Variants in NDUFAF6 observed in about 807,000 individuals in gnomAD.
The protein encoded by NDUFAF6 is NADH:ubiquinone oxidoreductase complex assembly factor 6.
A neutral mutation model predicts 40.8 loss-of-function variants in NDUFAF6; 45 were observed. That is an observed-to-expected ratio of 1.10 (90% CI 0.87 to 1.42). The LOEUF (loss-of-function observed/expected upper bound fraction) is 1.42. Among genes scored for constraint, NDUFAF6 ranks in the 40% most tolerant of loss-of-function variants. NDUFAF6 has a pLI of 0.00. For synonymous variants in NDUFAF6, 185 were observed against 155.9 expected, an observed-to-expected ratio of 1.19 and a Z score of -1.39; for missense variants, 435 against 418.5, an observed-to-expected ratio of 1.04 and a Z score of -0.34.
chr8:95,099,417 G>C (rs1809583053), upstream of NDUFAF6, among the ~76,000 whole-genome samples: 1 of 151,510 alleles, frequency 6.6e-6, no homozygotes, highest in Admixed American at 6.6e-5. Flanking sequence ...ACCCACTTCT[G>C]TCATCTGGCC....
chr8:94,904,509 A>G (rs770106610), intron 1 of NDUFAF6, among the ~76,000 whole-genome samples: 7 of 150,880 alleles, frequency 4.6e-5, no homozygotes, highest in Admixed American at 2.0e-4. Context: ...GTTCTGTTCC[A>G]TTGTTTTTCT....
intron 6 of NDUFAF6, among the ~76,000 whole-genome samples, chr8:95,047,559 G>A (rs1247828763): frequency 2.7e-5 from 4 of 148,086 alleles, no homozygotes; most frequent in African/African-American, 5.0e-5. Flanking sequence ...ACCCAGGCTG[G>A]AGTGCAGTGG....
chr8:95,098,580 G>T (rs893337629), upstream of NDUFAF6, among the ~76,000 whole-genome samples: 3 of 152,340 alleles, frequency 2.0e-5, no homozygotes, highest in Non-Finnish European at 4.4e-5. Context: ...TGAGGAAGGA[G>T]AATTGCTTTA....
In NDUFAF6 at chr8:95,066,269, G is replaced by A. The variant is rs73278556; in HGVS notation, c.*512-9364G>A. ...TGGGTCTATAGGCATGTGCCATCAT[G>A]CCTGGCTTGCTTGCTTGCTTTTTTT... On this transcript the variant is annotated intron_variant and NMD_transcript_variant, in intron 9 of 9. Transcript: ENST00000520757. Among the ~76,000 whole-genome samples, 630 of 147,538 alleles carry A rather than the reference G, an allele frequency of 4.3e-3. 5 individuals are homozygous for A. The highest frequency in any genetic ancestry group is 0.015 in the African/African-American group (607 of 39,870).
intron 2 of NDUFAF6, among the ~76,000 whole-genome samples, chr8:95,016,469 G>C (rs1196583407): frequency 6.6e-6 from 1 of 152,232 alleles, no homozygotes; most frequent in East Asian, 1.9e-4. Context: ...ATCTGGCCGA[G>C]CGTGGTGGCT....
downstream of NDUFAF6, chr8:95,116,533 T>C (rs1302802951): frequency 1.3e-5 from 2 of 152,150 alleles, no homozygotes; most frequent in Admixed American, 1.3e-4. Flanking sequence ...TTCTTTTTTT[T>C]AGAGACGGGG....
downstream of NDUFAF6, among the ~76,000 whole-genome samples, chr8:95,117,795 C>T (rs1810165917): frequency 6.6e-6 from 1 of 152,064 alleles, no homozygotes; most frequent in Non-Finnish European, 1.5e-5. Flanking sequence ...TAGTGGAGGC[C>T]AGATATTAAG....
At chr8:94,949,167 G>T (rs1822321760) in intron 2 of NDUFAF6, 1 of 149,732 alleles carries the variant, frequency 6.7e-6, no homozygotes. Flanking sequence ...GGCCCGGGCC[G>T]TGCGGGGCTG....
chr8:94,924,826 T>A (rs1399617186), intron 1 of NDUFAF6, among the ~76,000 whole-genome samples: 2 of 152,180 alleles, frequency 1.3e-5, no homozygotes, highest in Non-Finnish European at 2.9e-5. Context: ...CACTGCAACC[T>A]CCACATCCTG....
downstream of NDUFAF6, among the ~76,000 whole-genome samples, chr8:95,106,873 A>G (rs144502573): frequency 0.017 from 2,630 of 152,280 alleles, 82 homozygotes; most frequent in African/African-American, 0.06. Context: ...GCCAACAAAC[A>G]TATGAAAAAA....
intron 1 of NDUFAF6, among the ~76,000 whole-genome samples, chr8:94,915,665 G>C (rs1819084113): frequency 6.6e-6 from 1 of 152,198 alleles, no homozygotes; most frequent in Non-Finnish European, 1.5e-5. Flanking sequence ...CACAGGGGCT[G>C]AACTAATTTA....
intron 2 of NDUFAF6, among the ~76,000 whole-genome samples, chr8:94,994,800 C>T (rs1826348198): frequency 6.6e-6 from 1 of 152,164 alleles, no homozygotes; most frequent in Non-Finnish European, 1.5e-5. Context: ...CCATTGCACT[C>T]TAGCCTGGGT....
rs146860289 is a variant in NDUFAF6, at chr8:94,907,949, A to G, written c.-936+12022A>G. ...CATTGCTGAATCTCCAGTACCTAAA[A>G]TAGTGGCTGGCCCCTATGTATTGGG... On this transcript the variant is annotated intron_variant, in intron 1 of 14. Coordinates refer to the NDUFAF6 transcript ENST00000396113. Among the ~76,000 whole-genome samples the G allele has an allele frequency of 3.4e-3, 521 of 152,344 alleles. 2 individuals carry two copies. Among genetic ancestry groups the G allele is most frequent in the African/African-American group, 0.011 (472 of 41,578 alleles).
intron 1 of NDUFAF6, among the ~76,000 whole-genome samples, chr8:94,964,765 C>T (rs1325312460): frequency 6.6e-6 from 1 of 152,218 alleles, no homozygotes; most frequent in East Asian, 1.9e-4. Context: ...ATATCTCCCA[C>T]TGAGCCCCAC....
At chr8:95,100,108 G>A (rs1014028087), upstream of NDUFAF6, among the ~76,000 whole-genome samples, 1 of 152,018 alleles carries the variant, frequency 6.6e-6, no homozygotes, top group African/African-American at 2.4e-5. Flanking sequence ...TCAATCCAGG[G>A]CTCTCCCTAC....
intron 1 of NDUFAF6, among the ~76,000 whole-genome samples, chr8:94,902,906 G>A (rs909148508): frequency 1.3e-5 from 2 of 151,948 alleles, no homozygotes; most frequent in African/African-American, 4.8e-5. Flanking sequence ...GTTTCACCAT[G>A]TTGGCCAGGC....
chr8:95,014,206 C>T (rs2131679535), intron 2 of NDUFAF6, among the ~76,000 whole-genome samples: 1 of 152,256 alleles, frequency 6.6e-6, no homozygotes, highest in Middle Eastern at 3.4e-3. Flanking sequence ...TAGCCCTAGG[C>T]AACTAATACA....
intron 2 of NDUFAF6, among the ~76,000 whole-genome samples, chr8:95,086,683 G>A (rs1259172246): frequency 6.7e-6 from 1 of 150,242 alleles, no homozygotes; most frequent in East Asian, 2.0e-4. Flanking sequence ...CTCACTGCAA[G>A]CTCTGCCTCC....
chr8:95,037,779 T>C (rs966438115), intron 3 of NDUFAF6, among the ~76,000 whole-genome samples: 16 of 152,224 alleles, frequency 1.1e-4, no homozygotes, highest in Non-Finnish European at 2.4e-4. Flanking sequence ...ACTATGTTTA[T>C]TTTTTGTGAA....
Sources: gnomAD v4.1 joint callset for allele counts (sites outside exome capture counted in the v4.1 genomes callset) on GRCh38, gnomAD v4.1.1 for gene constraint, MANE v1.5 for transcripts, NCBI Gene and HGNC (gene_info 2026-07-23, HGNC 2026-07-21) for gene names.